The following PARD3B variants were observed in gnomAD, a reference collection of about 807,000 sequenced individuals.
PARD3B encodes the protein partitioning defective 3 homolog B.
In PARD3B, 103 loss-of-function variants were observed where a neutral mutation model predicts 130.2. The observed-to-expected ratio is 0.79, with a 90% CI of 0.67 to 0.93. The LOEUF is 0.93. Among genes scored for constraint, PARD3B ranks in the 40% least tolerant of loss-of-function variants. PARD3B has a pLI of 0.00. For synonymous variants in PARD3B, 583 were observed against 553.2 expected (o/e 1.05, Z -0.76); for missense variants, 1,609 against 1,499.2 (o/e 1.07, Z -1.21).
At chr2:205,485,898 C>G (rs1380176840) in intron 20 of PARD3B, among the ~76,000 whole-genome samples, 1 of 152,144 alleles carries the variant, frequency 6.6e-6, no homozygotes, top group Non-Finnish European at 1.5e-5. Context: ...CTGCTCTGAG[C>G]TACTGCTGGA....
At chr2:205,173,949 G>A (rs2035319041) in intron 12 of PARD3B, among the ~76,000 whole-genome samples, 1 of 152,136 alleles carries the variant, frequency 6.6e-6, no homozygotes, top group African/African-American at 2.4e-5. Flanking sequence ...CTGCATATCA[G>A]ATCTCCCTTA....
At chr2:204,690,573 G>A (rs547251316) in intron 2 of PARD3B, among the ~76,000 whole-genome samples, 26 of 152,168 alleles carry the variant, frequency 1.7e-4, no homozygotes, top group African/African-American at 5.5e-4. Flanking sequence ...GAATGTAGCT[G>A]GCCTCTGACA....
intron 2 of PARD3B, among the ~76,000 whole-genome samples, chr2:204,766,741 C>T (rs1165889576): frequency 6.6e-6 from 1 of 151,056 alleles, no homozygotes; most frequent in Non-Finnish European, 1.5e-5. Flanking sequence ...AGCAAACTAA[C>T]TTTGTTATGC....
intron 3 of PARD3B, among the ~76,000 whole-genome samples, chr2:204,977,120 A>G (rs2125194777): frequency 6.6e-6 from 1 of 152,352 alleles, no homozygotes; most frequent in South Asian, 2.1e-4. Flanking sequence ...AACAGTAGCC[A>G]GGGACATTAA....
chr2:204,605,309 G>T (rs1423921157), intron 1 of PARD3B, among the ~76,000 whole-genome samples: 1 of 152,140 alleles, frequency 6.6e-6, no homozygotes, highest in Non-Finnish European at 1.5e-5. Flanking sequence ...TAGGCAGAAG[G>T]CACATTGCTA....
intron 2 of PARD3B, among the ~76,000 whole-genome samples, chr2:204,752,562 G>C (rs2125390627): frequency 6.6e-6 from 1 of 152,250 alleles, no homozygotes; most frequent in African/African-American, 2.4e-5. Flanking sequence ...TTGCCTTAGA[G>C]ATCAGTAAGC....
intron 3 of PARD3B, among the ~76,000 whole-genome samples, chr2:204,982,534 C>G (rs1190482636): frequency 6.6e-6 from 1 of 152,204 alleles, no homozygotes; most frequent in Non-Finnish European, 1.5e-5. Context: ...TCTTGCCCCA[C>G]TAATCCACAT....
chr2:204,599,212 T>C (rs2033414105), intron 1 of PARD3B, among the ~76,000 whole-genome samples: 1 of 151,998 alleles, frequency 6.6e-6, no homozygotes, highest in Non-Finnish European at 1.5e-5. Context: ...ATATCCTCTT[T>C]TCTAGCTATT....
rs1253367898 is a variant in PARD3B at position 204,996,665 on chromosome 2, C to T, written c.394+31342C>T. Among the ~76,000 whole-genome samples, 844 of 149,854 alleles carry T rather than the reference C, an allele frequency of 5.6e-3. 4 individuals are homozygous for T. The highest frequency in any genetic ancestry group is 0.019 in the African/African-American group (774 of 40,726). On this transcript the variant is annotated intron_variant, in intron 3 of 22. Coordinates refer to ENST00000406610, the MANE Select transcript of PARD3B (RefSeq NM_001302769.2). ...CTAAGCAAGCCTGGGCAATGGCGGG[C>T]GCCCCTCCCCCAGCCTCGTTGCCGC...
At position 204,790,902 on chromosome 2, in the gene PARD3B, C is replaced by T. The variant is rs546430268; in HGVS notation, c.222+104620C>T. Among the ~76,000 whole-genome samples the T allele has an allele frequency of 4.6e-5, 7 of 151,978 alleles. No homozygotes were observed. In the South Asian group the frequency reaches 6.3e-4, roughly 14 times the overall value. On this transcript the variant is annotated intron_variant, in intron 2 of 22. Coordinates refer to ENST00000406610, the MANE Select transcript of PARD3B (RefSeq NM_001302769.2). ...GGCAGATCACCTGAAGTCAGGACTT[C>T]GAGACCAGCCGGGCCAACATGGTGA...
rs182509319 is a variant in PARD3B, at chr2:204,905,791, T to C, written c.223-59361T>C. Among the ~76,000 whole-genome samples, 66 of 152,236 alleles carry C rather than the reference T, an allele frequency of 4.3e-4. 1 individual carries two copies. Among genetic ancestry groups the C allele is most frequent in the African/African-American group, 1.5e-3 (64 of 41,552 alleles). On this transcript the variant is annotated intron_variant, in intron 2 of 22. Transcript: ENST00000406610. ...TCCTACTTAATGTGCTCAAGAGGAA[T>C]GAAGCCAACATACCACTTAAAAGGG...
At chr2:205,143,050 CT>C (rs151080863) in intron 10 of PARD3B, among the ~76,000 whole-genome samples, 2,656 of 152,192 alleles carry the variant, frequency 0.017, 78 homozygotes, top group African/African-American at 0.06. Flanking sequence ...GAAGAGGTAG[CT>C]TATGTGCTGA....
intron 2 of PARD3B, among the ~76,000 whole-genome samples, chr2:204,953,014 A>G (rs1000299010): frequency 6.1e-5 from 9 of 148,140 alleles, no homozygotes; most frequent in Admixed American, 1.4e-4. Flanking sequence ...AAAAAAAGGT[A>G]TATATATATA....
Position 205,469,056 on chromosome 2 carries a change from G to C in PARD3B, c.3044+28384G>C, listed in dbSNP as rs897984589. Reference sequence around the variant, plus strand: ...CTTAGTGATCCTCTCTGAGCTTTCTGTGTAGACTTCTAGCACAGAATGATC... The same window carrying C: ...CTTAGTGATCCTCTCTGAGCTTTCTCTGTAGACTTCTAGCACAGAATGATC... On this transcript the variant is annotated intron_variant, in intron 20 of 22. Transcript: ENST00000406610. Among the ~76,000 whole-genome samples the C allele has an allele frequency of 2.0e-5, 3 of 150,978 alleles. No homozygotes were observed. In the South Asian group the frequency reaches 6.3e-4, roughly 32 times the overall value.
At chr2:205,185,896 T>A (rs777964653) in intron 14 of PARD3B, 33 bp downstream of exon 14, 12 of 1,545,600 alleles carry the variant, frequency 7.8e-6, no homozygotes, top group African/African-American at 4.1e-5. Flanking sequence ...TAAATGCTCC[T>A]TGTTATTGTT....
intron 2 of PARD3B, among the ~76,000 whole-genome samples, chr2:204,961,944 G>A (rs1279123077): frequency 6.6e-6 from 1 of 152,130 alleles, no homozygotes; most frequent in Admixed American, 6.5e-5. Flanking sequence ...GGAAACTGCT[G>A]TGTAGACAGC....
Position 205,287,179 on chromosome 2 carries a change from A to T in PARD3B, c.2186-13351A>T, listed in dbSNP as rs759841823. On this transcript the variant is annotated intron_variant, in intron 16 of 22. Transcript: ENST00000406610. The surrounding 1 kb of genome is among the most constrained non-coding windows in gnomAD (Gnocchi z 4.8). ...TGTTACTCAAGTGTCCGACCTGAGC[A>T]GAAACAACTGGTGGTAACATGGATT... Among the ~76,000 whole-genome samples the T allele has an allele frequency of 1.3e-5, 2 of 152,238 alleles. No homozygotes were observed. The highest frequency in any genetic ancestry group is 2.9e-5 in the Non-Finnish European group (2 of 68,048).
At chr2:205,448,188 T>C (rs543333571) in intron 20 of PARD3B, among the ~76,000 whole-genome samples, 19 of 152,292 alleles carry the variant, frequency 1.2e-4, no homozygotes, top group African/African-American at 3.6e-4. Context: ...TGGCAGCCAT[T>C]TGGGGAATGT....
chr2:204,733,920 A>T (rs533705629), intron 2 of PARD3B, among the ~76,000 whole-genome samples: 1 of 152,300 alleles, frequency 6.6e-6, no homozygotes, highest in Non-Finnish European at 1.5e-5. Flanking sequence ...TGTTATTGCA[A>T]TTGTAGCTTA....
Sources: gnomAD v4.1 joint callset for allele counts (sites outside exome capture counted in the v4.1 genomes callset) on GRCh38, gnomAD v4.1.1 for gene constraint, Gnocchi (gnomAD v3.1) non-coding constraint, MANE v1.5 for transcripts, NCBI Gene and HGNC (gene_info 2026-07-23, HGNC 2026-07-21) for gene names.